The following METAP2 variants were observed in gnomAD, a reference collection of about 807,000 sequenced individuals.
METAP2 encodes the protein methionine aminopeptidase 2.
A neutral mutation model predicts 59.4 loss-of-function variants in METAP2; 25 were observed. The ratio of observed to expected loss-of-function variants is 0.42; its 90% CI spans 0.31 to 0.59. The LOEUF (loss-of-function observed/expected upper bound fraction) is 0.59, where lower values mean the gene tolerates loss of function less well. Among genes scored for constraint, METAP2 ranks in the 20% least tolerant of loss-of-function variants. The probability of loss-of-function intolerance (pLI) is 0.16; values close to 1 mark genes in which losing one functional copy is unlikely to be tolerated. For missense variants in METAP2, 366 were observed against 581.2 expected (o/e 0.63, Z 3.81); for synonymous variants, 214 against 194.1 (o/e 1.10, Z -0.85).
chr12:95,497,480 A>G (rs944344107), intron 7 of METAP2, among the ~76,000 whole-genome samples: 5 of 152,224 alleles, frequency 3.3e-5, no homozygotes, highest in Non-Finnish European at 4.4e-5. Flanking sequence ...TCATCCACTG[A>G]TAGACACTTG....
chr12:95,507,486 C>T (rs531654486), intron 8 of METAP2, among the ~76,000 whole-genome samples: 7 of 152,364 alleles, frequency 4.6e-5, no homozygotes, highest in African/African-American at 1.2e-4. Context: ...TGGCAAATGC[C>T]GGGATTTGCC....
intron 4 of METAP2, among the ~76,000 whole-genome samples, chr12:95,487,529 C>T (rs2076206113): frequency 6.6e-6 from 1 of 151,464 alleles, no homozygotes; most frequent in African/African-American, 2.4e-5. Context: ...GATAATTTTA[C>T]ATTAATAAAT....
At chr12:95,477,020 C>G (rs185938122) in intron 2 of METAP2, among the ~76,000 whole-genome samples, 1 of 152,282 alleles carries the variant, frequency 6.6e-6, no homozygotes, top group African/African-American at 2.4e-5. Flanking sequence ...ATGATTTACC[C>G]AAAGTGACAT....
intron 4 of METAP2, among the ~76,000 whole-genome samples, chr12:95,486,626 T>G (rs1210185793): frequency 6.6e-6 from 1 of 151,838 alleles, no homozygotes; most frequent in East Asian, 1.9e-4. Context: ...GCCTCCCGAG[T>G]AGCTGAGATT....
At chr12:95,502,544 G>T (rs1419933326) in intron 7 of METAP2, among the ~76,000 whole-genome samples, 1 of 151,978 alleles carries the variant, frequency 6.6e-6, no homozygotes, top group Non-Finnish European at 1.5e-5. Flanking sequence ...ATCATTTTGT[G>T]TGTGTGTGTG....
intron 1 of METAP2, 98 bp downstream of exon 1, chr12:95,474,428 C>G: frequency 9.1e-6 from 12 of 1,317,726 alleles, no homozygotes; most frequent in Non-Finnish European, 1.1e-5. Context: ...CCCAGAGCCC[C>G]GACTAGACTG....
At chr12:95,513,090 TACACACACACACACACACACACACAC>T (rs60788079) in intron 10 of METAP2, among the ~76,000 whole-genome samples, 174 bp downstream of exon 10, 10 of 136,092 alleles carry the variant, frequency 7.3e-5, no homozygotes, top group African/African-American at 2.7e-4. Context: ...AGATAAAAAT[TACACACACACACACACACACACACAC>T]ACACACACAC....
At chr12:95,491,711 T>C (rs2076239009) in intron 4 of METAP2, among the ~76,000 whole-genome samples, 1 of 152,030 alleles carries the variant, frequency 6.6e-6, no homozygotes, top group Non-Finnish European at 1.5e-5. Context: ...AGGGTCTTTC[T>C]ATGTTGCCCA....
chr12:95,509,093 T>G (rs2076382897), intron 8 of METAP2, among the ~76,000 whole-genome samples: 1 of 152,172 alleles, frequency 6.6e-6, no homozygotes, highest in South Asian at 2.1e-4. Flanking sequence ...TGTTAACAAA[T>G]TACTGGTCCC....
chr12:95,487,015 G>A (rs2076202325), intron 4 of METAP2, among the ~76,000 whole-genome samples: 1 of 152,106 alleles, frequency 6.6e-6, no homozygotes, highest in Non-Finnish European at 1.5e-5. Flanking sequence ...TTGTGACTTG[G>A]GCAAGTAATT....
At chr12:95,508,991 T>G (rs192863277) in intron 8 of METAP2, among the ~76,000 whole-genome samples, 14 of 152,250 alleles carry the variant, frequency 9.2e-5, no homozygotes, top group African/African-American at 3.4e-4. Flanking sequence ...GGTTGAACTT[T>G]CCAGAACAAA....
rs1444898991 is a variant in METAP2, at chr12:95,515,539, G to A, written c.*1635G>A. 1 of 152,202 alleles carries A rather than the reference G, an allele frequency of 6.6e-6. No individual in the cohort carries two copies. Among genetic ancestry groups the A allele is most frequent in the Non-Finnish European group, 1.5e-5 (1 of 68,034 alleles). 9.4% of individuals were successfully genotyped at this position (152,202 alleles called of 1,614,324 possible). A position where few individuals can be genotyped will look rare whatever the true frequency, so the allele number is the denominator to read the frequency against. ...CAGCAATTTTAGAATTGACCTTTAT[G>A]AGTGAAGACTTTTGGAGCTTTTAAA... On this transcript the variant is annotated 3_prime_UTR_variant, in exon 11 of 11. Transcript: ENST00000323666.
intron 4 of METAP2, among the ~76,000 whole-genome samples, chr12:95,489,651 T>G (rs1373482484): frequency 2.6e-5 from 4 of 152,210 alleles, no homozygotes; most frequent in African/African-American, 9.6e-5. Context: ...CTACTCTAGG[T>G]TAAGTGTATT....
intron 8 of METAP2, among the ~76,000 whole-genome samples, chr12:95,508,458 G>A (rs563955548): frequency 6.6e-6 from 1 of 152,260 alleles, no homozygotes; most frequent in South Asian, 2.1e-4. Context: ...TAGAACATGG[G>A]CCTTCTGATT....
intron 4 of METAP2, among the ~76,000 whole-genome samples, chr12:95,493,718 T>A (rs1162861409): frequency 6.6e-6 from 1 of 152,218 alleles, no homozygotes; most frequent in African/African-American, 2.4e-5. Flanking sequence ...TGACCTCAAG[T>A]GGAAGGATGA....
chr12:95,497,991 G>C (rs996451386), intron 7 of METAP2, among the ~76,000 whole-genome samples: 2 of 151,832 alleles, frequency 1.3e-5, no homozygotes, highest in African/African-American at 2.4e-5. Flanking sequence ...AAAATAGCTG[G>C]GTGTGGTGGC....
intron 2 of METAP2, chr12:95,482,113 T>TTTG (rs778108345): frequency 2.2e-6 from 1 of 449,426 alleles, no homozygotes; most frequent in Non-Finnish European, 4.5e-6. Context: ...GTGTTTTGGG[T>TTTG]TTGTTGTTGT....
At chr12:95,479,545 T>C (rs1261707062) in intron 2 of METAP2, among the ~76,000 whole-genome samples, 1 of 152,124 alleles carries the variant, frequency 6.6e-6, no homozygotes, top group African/African-American at 2.4e-5. Flanking sequence ...GTGCTGGAGG[T>C]AATTCATTCA....
At chr12:95,506,904 T>C (rs548411629) in intron 8 of METAP2, among the ~76,000 whole-genome samples, 1 of 152,068 alleles carries the variant, frequency 6.6e-6, no homozygotes, top group African/African-American at 2.4e-5. Context: ...AAGCTCAGCC[T>C]CCCGAGTAGT....
Sources: allele counts gnomAD v4.1 joint callset (sites outside exome capture counted in the v4.1 genomes callset), GRCh38; gene constraint gnomAD v4.1.1; transcripts MANE v1.5; gene names NCBI Gene and HGNC (gene_info 2026-07-23, HGNC 2026-07-21).